The following RANBP17 variants were observed in gnomAD, a reference collection of about 807,000 sequenced individuals.
RANBP17 encodes RAN binding protein 17.
Under a neutral mutation model 141.2 loss-of-function variants are expected in RANBP17, and 158 were observed. That is an observed-to-expected ratio of 1.12 (90% CI 0.98 to 1.28). The LOEUF (loss-of-function observed/expected upper bound fraction) is 1.28, where lower values mean the gene tolerates loss of function less well. Ranked by LOEUF, RANBP17 falls within the 50% of genes most tolerant of loss-of-function variation. The pLI, the probability that RANBP17 is intolerant of heterozygous loss-of-function variation, is 0.00. For missense variants in RANBP17, 1,438 were observed against 1,290.7 expected, an observed-to-expected ratio of 1.11 and a Z score of -1.75; for synonymous variants, 430 against 450.0, an observed-to-expected ratio of 0.96 and a Z score of 0.56.
intron 8 of RANBP17, among the ~76,000 whole-genome samples, chr5:170,914,948 G>A (rs1009799881): frequency 6.6e-6 from 1 of 152,140 alleles, no homozygotes; most frequent in Non-Finnish European, 1.5e-5. Context: ...TATCAGTGAT[G>A]TGTTTGTTTA....
At chr5:171,093,906 C>G (rs1786492226) in intron 14 of RANBP17, among the ~76,000 whole-genome samples, 2 of 152,188 alleles carry the variant, frequency 1.3e-5, no homozygotes, top group African/African-American at 4.8e-5. Context: ...ATGTAAAATA[C>G]TGAACACAGT....
At chr5:171,129,165 G>A (rs1376266640) in intron 14 of RANBP17, among the ~76,000 whole-genome samples, 1 of 152,142 alleles carries the variant, frequency 6.6e-6, no homozygotes, top group Non-Finnish European at 1.5e-5. Flanking sequence ...GGGAAAGAGG[G>A]AAGAATGGGT....
intron 1 of RANBP17, among the ~76,000 whole-genome samples, chr5:170,862,967 C>G (rs778771775): frequency 2.5e-4 from 38 of 152,260 alleles, no homozygotes; most frequent in Non-Finnish European, 4.7e-4. Context: ...AGGAGTGAAG[C>G]AGAGCTGCTA....
chr5:170,917,767 G>A (rs776045746), intron 9 of RANBP17, among the ~76,000 whole-genome samples: 3 of 151,980 alleles, frequency 2.0e-5, no homozygotes, highest in Admixed American at 6.6e-5. Flanking sequence ...ATAATATGCC[G>A]ATTCCTGATA....
intron 14 of RANBP17, among the ~76,000 whole-genome samples, chr5:171,002,765 C>G (rs558242467): frequency 4.6e-5 from 7 of 152,160 alleles, no homozygotes; most frequent in Middle Eastern, 3.4e-3. Flanking sequence ...GAACTATCAT[C>G]AGTAAACCAA....
chr5:171,008,001 C>G (rs1320392711), intron 14 of RANBP17, among the ~76,000 whole-genome samples: 2 of 151,998 alleles, frequency 1.3e-5, no homozygotes, highest in Non-Finnish European at 2.9e-5. Context: ...GACTTGCCAC[C>G]AAGGGAATAT....
chr5:170,938,992 A>G (rs540519167), intron 12 of RANBP17, among the ~76,000 whole-genome samples: 31 of 152,222 alleles, frequency 2.0e-4, no homozygotes, highest in Non-Finnish European at 3.8e-4. Flanking sequence ...GTCAAACTAT[A>G]TAACCCCAAA....
rs78602229 is a variant in RANBP17, at chr5:171,157,598, G to C, written c.1711-12532G>C. On this transcript the variant is annotated intron_variant, in intron 14 of 27. Transcript: ENST00000523189. ...GCAACATATTTGCTGATGAAAGATT[G>C]TATTTACCATATTGAATTGCCTTAG... Among the ~76,000 whole-genome samples, 903 of 152,314 alleles carry C rather than the reference G, an allele frequency of 5.9e-3. 14 individuals are homozygous for C. The highest frequency in any genetic ancestry group is 0.021 in the African/African-American group (872 of 41,564).
At chr5:171,182,041 T>G (rs1390424240) in intron 16 of RANBP17, among the ~76,000 whole-genome samples, 2 of 152,222 alleles carry the variant, frequency 1.3e-5, no homozygotes, top group Non-Finnish European at 2.9e-5. Flanking sequence ...TTCCACTCTT[T>G]GATACCCATG....
intron 13 of RANBP17, among the ~76,000 whole-genome samples, chr5:170,967,090 G>C (rs956828566): frequency 6.6e-6 from 1 of 152,062 alleles, no homozygotes; most frequent in Non-Finnish European, 1.5e-5. Flanking sequence ...ATAATGGAAT[G>C]TTAAGCAGCT....
chr5:171,277,293 C>T (rs1767548580), intron 25 of RANBP17, among the ~76,000 whole-genome samples: 1 of 151,928 alleles, frequency 6.6e-6, no homozygotes, highest in Admixed American at 6.6e-5. Context: ...CCCTGCATCA[C>T]ACGAAGCTAG....
At chr5:170,892,834 A>G (rs1196531381) in intron 4 of RANBP17, among the ~76,000 whole-genome samples, 1 of 152,228 alleles carries the variant, frequency 6.6e-6, no homozygotes, top group African/African-American at 2.4e-5. Flanking sequence ...TATATAAAAC[A>G]TGTATATAAT....
At chr5:171,197,544 T>C (rs1250059615) in intron 18 of RANBP17, among the ~76,000 whole-genome samples, 2 of 152,208 alleles carry the variant, frequency 1.3e-5, no homozygotes, top group African/African-American at 4.8e-5. Flanking sequence ...CTCAGTGCCA[T>C]AGAAGCTAAT....
intron 14 of RANBP17, among the ~76,000 whole-genome samples, chr5:171,025,568 T>A (rs1581431022): frequency 6.8e-6 from 1 of 147,612 alleles, no homozygotes. Flanking sequence ...CCTTAGTCCT[T>A]TTTTTTTTCT....
chr5:171,296,655 G>A (rs1768841597), intron 27 of RANBP17, among the ~76,000 whole-genome samples: 1 of 152,260 alleles, frequency 6.6e-6, no homozygotes, highest in East Asian at 1.9e-4. Context: ...GCTCACGCCT[G>A]TAATCTCAGC....
Position 171,196,152 on chromosome 5 carries a change from G to A in RANBP17, c.2039-3518G>A, listed in dbSNP as rs1437517337. Among the ~76,000 whole-genome samples, 27 of 152,178 alleles carry A rather than the reference G, an allele frequency of 1.8e-4. 1 individual carries two copies. ...TAAGTCCCATAAGAAAAGTAAAGCA[G>A]GTTATGGGGTTGGAAAGTGATGTGG... On this transcript the variant is annotated intron_variant, in intron 18 of 27. Transcript: ENST00000523189.
chr5:171,091,074 A>G (rs769094820), intron 14 of RANBP17, among the ~76,000 whole-genome samples: 2 of 152,136 alleles, frequency 1.3e-5, no homozygotes, highest in African/African-American at 2.4e-5. Flanking sequence ...ATACCCTAGA[A>G]TGGTAGAACC....
intron 8 of RANBP17, among the ~76,000 whole-genome samples, chr5:170,915,765 G>T (rs1771899707): frequency 6.6e-6 from 1 of 151,964 alleles, no homozygotes; most frequent in Non-Finnish European, 1.5e-5. Flanking sequence ...CCCCCAACAG[G>T]ATACCACGGT....
intron 12 of RANBP17, among the ~76,000 whole-genome samples, chr5:170,943,673 A>AT (rs1774522158): frequency 6.6e-6 from 1 of 152,078 alleles, no homozygotes; most frequent in Non-Finnish European, 1.5e-5. Context: ...TATGTAGCAG[A>AT]TTTTTTTCTC....
Sources: gnomAD v4.1 joint callset for allele counts (sites outside exome capture counted in the v4.1 genomes callset) on GRCh38, gnomAD v4.1.1 for gene constraint, MANE v1.5 for transcripts, NCBI Gene and HGNC (gene_info 2026-07-23, HGNC 2026-07-21) for gene names.